The following SLC22A23 variants were observed in gnomAD, a reference collection of about 807,000 sequenced individuals.
The protein encoded by SLC22A23 is ion transporter protein.
Under a neutral mutation model 61.0 loss-of-function variants are expected in SLC22A23, and 26 were observed. That is an observed-to-expected ratio of 0.43 (90% CI 0.31 to 0.59). SLC22A23 has a LOEUF of 0.59. Among genes scored for constraint, SLC22A23 ranks in the 20% least tolerant of loss-of-function variants. The pLI is 0.11. For synonymous variants in SLC22A23, 430 were observed against 413.9 expected, an observed-to-expected ratio of 1.04 and a Z score of -0.47; for missense variants, 796 against 934.7, an observed-to-expected ratio of 0.85 and a Z score of 1.94.
chr6:3,282,797 A>G (rs1050565743), intron 9 of SLC22A23, among the ~76,000 whole-genome samples: 1 of 152,178 alleles, frequency 6.6e-6, no homozygotes, highest in Non-Finnish European at 1.5e-5. Flanking sequence ...ATGCCCTTTT[A>G]GTGGAGGCGT....
chr6:3,331,178 G>T (rs73720506), intron 3 of SLC22A23, among the ~76,000 whole-genome samples: 3,955 of 152,314 alleles, frequency 0.026, 196 homozygotes, highest in African/African-American at 0.091. Context: ...AACAAGATGG[G>T]AGCTGAAGCC....
intron 1 of SLC22A23, among the ~76,000 whole-genome samples, chr6:3,445,774 C>A (rs899323809): frequency 6.6e-6 from 1 of 152,010 alleles, no homozygotes; most frequent in African/African-American, 2.4e-5. Flanking sequence ...TGAGAGAGAC[C>A]GGGCTGGGAA....
intron 1 of SLC22A23, among the ~76,000 whole-genome samples, chr6:3,416,139 G>C (rs187952156): frequency 1.6e-3 from 239 of 152,342 alleles, no homozygotes; most frequent in African/African-American, 5.4e-3. Context: ...AACCACCACG[G>C]GAAATGTAAA....
intron 3 of SLC22A23, among the ~76,000 whole-genome samples, chr6:3,376,776 A>G (rs925050499): frequency 2.0e-5 from 3 of 152,070 alleles, no homozygotes; most frequent in Non-Finnish European, 2.9e-5. Context: ...GAAAGGCAAA[A>G]GTGAAGTAGG....
At chr6:3,419,583 G>A (rs1054283733) in intron 1 of SLC22A23, among the ~76,000 whole-genome samples, 7 of 152,190 alleles carry the variant, frequency 4.6e-5, no homozygotes, top group African/African-American at 1.7e-4. Flanking sequence ...AGGGTTGGGT[G>A]GTCTGGGAGC....
rs537164401 is a variant in SLC22A23 at position 3,383,073 on chromosome 6, A to C, written c.913+27115T>G. Among the ~76,000 whole-genome samples, 9 of 152,302 alleles carry C rather than the reference A, an allele frequency of 5.9e-5. No individual in the cohort carries two copies. The South Asian group carries it at 1.9e-3, about 32-fold the overall frequency. The stretch of plus-strand genomic sequence containing the variant: ...GGGGTGTAAGGGAAAGAGAAGGAAT[A>C]GAGAGATGTATAAAAGCAATGACAG... On this transcript the variant is annotated intron_variant, in intron 3 of 9. Coordinates refer to ENST00000406686, the MANE Select transcript of SLC22A23 (RefSeq NM_015482.2).
chr6:3,394,992 C>T (rs761659301), intron 3 of SLC22A23, among the ~76,000 whole-genome samples: 1 of 152,094 alleles, frequency 6.6e-6, no homozygotes, highest in African/African-American at 2.4e-5. Context: ...GGCACCAAGG[C>T]GGGCAGGTAT....
chr6:3,344,505 C>T (rs191138656), intron 3 of SLC22A23, among the ~76,000 whole-genome samples: 10 of 152,300 alleles, frequency 6.6e-5, no homozygotes, highest in African/African-American at 1.7e-4. Flanking sequence ...GTGTCTGACA[C>T]GACCATGTGG....
At chr6:3,282,165 T>G (rs1437632894) in intron 9 of SLC22A23, 2 of 701,702 alleles carry the variant, frequency 2.9e-6, no homozygotes, top group Non-Finnish European at 5.2e-6. Context: ...CTGTGGATTC[T>G]GGTCTATTGA....
chr6:3,327,077 G>A lies in SLC22A23; in HGVS notation c.914-3075C>T, dbSNP rs1763324655. ...GGACTGCAGGTGGATCGTTTCTGCT[G>A]GGAGGGACGGGGACTGCAGGTGGAT... On this transcript the variant is annotated intron_variant, in intron 3 of 9. Transcript: ENST00000406686. This position sits in a 1 kb window ranked among gnomAD's most constrained non-coding sequence, Gnocchi z 4.1. 6.7e-6 allele frequency among the ~76,000 whole-genome samples: 1 copy of A among 149,706 alleles called. No homozygotes were observed. Among genetic ancestry groups the A allele is most frequent in the South Asian group, 2.1e-4 (1 of 4,748 alleles).
At chr6:3,367,942 T>C (rs1765943037) in intron 3 of SLC22A23, among the ~76,000 whole-genome samples, 1 of 152,228 alleles carries the variant, frequency 6.6e-6, no homozygotes, top group Non-Finnish European at 1.5e-5. Flanking sequence ...TCCTCTCTGC[T>C]GTCTCAGCCT....
chr6:3,419,264 A>G (rs1769954435), intron 1 of SLC22A23, among the ~76,000 whole-genome samples: 1 of 152,250 alleles, frequency 6.6e-6, no homozygotes, highest in East Asian at 1.9e-4. Flanking sequence ...TATATCCTGA[A>G]CATCCCATCC....
chr6:3,345,724 C>A (rs190024502), intron 3 of SLC22A23, among the ~76,000 whole-genome samples: 1 of 152,076 alleles, frequency 6.6e-6, no homozygotes, highest in African/African-American at 2.4e-5. Flanking sequence ...ATAAGAGAAA[C>A]GTGGGACTTG....
chr6:3,332,080 A>G (rs9503546), intron 3 of SLC22A23, among the ~76,000 whole-genome samples: 37,431 of 152,164 alleles, frequency 0.25, 5,952 homozygotes, highest in African/African-American at 0.44. Flanking sequence ...ATGGAGCCTC[A>G]CAGGCCTTCA....
Position 3,304,058 on chromosome 6 carries a change from T to C in SLC22A23, c.1083-5840A>G, listed in dbSNP as rs775607379. Reference sequence around the variant, plus strand: ...TACTGGAATTCCATCAGTCCAGGCATTGGATCCCAGAGAGGATTCAATTCT... The same window carrying C: ...TACTGGAATTCCATCAGTCCAGGCACTGGATCCCAGAGAGGATTCAATTCT... On this transcript the variant is annotated intron_variant, in intron 4 of 9. Coordinates refer to ENST00000406686, the MANE Select transcript of SLC22A23 (RefSeq NM_015482.2). The surrounding 1 kb of genome is among the most constrained non-coding windows in gnomAD (Gnocchi z 4.3). Among the ~76,000 whole-genome samples the C allele has an allele frequency of 6.6e-6, 1 of 152,240 alleles. No homozygotes were observed. The highest frequency in any genetic ancestry group is 6.5e-5 in the Admixed American group (1 of 15,284).
intron 1 of SLC22A23, 143 bp from the exon 2 acceptor site, chr6:3,415,998 T>G (rs1385917945): frequency 5.1e-6 from 3 of 590,730 alleles, no homozygotes; most frequent in East Asian, 5.7e-5. Context: ...CAGAGTCTCT[T>G]CCATGGTTTT....
At chr6:3,351,611 C>T (rs1316933871) in intron 3 of SLC22A23, among the ~76,000 whole-genome samples, 1 of 148,934 alleles carries the variant, frequency 6.7e-6, no homozygotes, top group East Asian at 2.1e-4. Context: ...TCCCACTGCT[C>T]TGGAAACCTC....
chr6:3,450,715 A>G (rs1772121943), intron 1 of SLC22A23, among the ~76,000 whole-genome samples: 2 of 152,272 alleles, frequency 1.3e-5, no homozygotes, highest in African/African-American at 4.8e-5. Flanking sequence ...TGAGGTGTCA[A>G]GAAAATAGTA....
Position 3,329,565 on chromosome 6 carries a change from C to G in SLC22A23, c.914-5563G>C, listed in dbSNP as rs1485317135. ...CAGGGTATGGGATGAGGCGCCCGCT[C>G]TGGCCTAGAGGTGGGGGTTAGATTC... On this transcript the variant is annotated intron_variant, in intron 3 of 9. Transcript: ENST00000406686. The surrounding 1 kb of genome is among the most constrained non-coding windows in gnomAD (Gnocchi z 4.8). Among the ~76,000 whole-genome samples, 1 of 152,222 alleles carries G rather than the reference C, an allele frequency of 6.6e-6. No individual in the cohort carries two copies. Among genetic ancestry groups the G allele is most frequent in the East Asian group, 1.9e-4 (1 of 5,198 alleles).
Sources: gnomAD v4.1 joint callset for allele counts (sites outside exome capture counted in the v4.1 genomes callset) on GRCh38, gnomAD v4.1.1 for gene constraint, Gnocchi (gnomAD v3.1) non-coding constraint, MANE v1.5 for transcripts, NCBI Gene and HGNC (gene_info 2026-07-23, HGNC 2026-07-21) for gene names.